The following SORCS1 variants were observed in gnomAD, a reference collection of about 807,000 sequenced individuals.
The protein encoded by SORCS1 is sortilin related VPS10 domain containing receptor 1, also known as VPS10 domain-containing receptor SorCS1.
Under a neutral mutation model 146.1 loss-of-function variants are expected in SORCS1, and 60 were observed. The observed-to-expected ratio is 0.41, with a 90% CI of 0.33 to 0.51. The LOEUF is 0.51. SORCS1 is among the 20% of genes least tolerant of loss of function. SORCS1 has a pLI of 0.21. For missense variants in SORCS1, 1,352 were observed against 1,487.6 expected (o/e 0.91, Z 1.50); for synonymous variants, 637 against 584.0 (o/e 1.09, Z -1.31).
chr10:106,856,003 G>A (rs1215652262), intron 2 of SORCS1, among the ~76,000 whole-genome samples: 2 of 151,076 alleles, frequency 1.3e-5, no homozygotes, highest in Non-Finnish European at 2.9e-5. Context: ...ATGGTAATAC[G>A]GGGAAGCGAA....
chr10:106,962,047 G>C (rs1955250877), intron 1 of SORCS1, among the ~76,000 whole-genome samples: 1 of 152,212 alleles, frequency 6.6e-6, no homozygotes, highest in Admixed American at 6.5e-5. Flanking sequence ...GGGGGTGTCA[G>C]TGGATTTGTA....
chr10:106,844,853 T>C (rs1363845337), intron 2 of SORCS1, among the ~76,000 whole-genome samples: 4 of 149,280 alleles, frequency 2.7e-5, no homozygotes, highest in South Asian at 2.2e-4. Context: ...GTTCTTGCGA[T>C]AGTTTACTGA....
intron 24 of SORCS1, among the ~76,000 whole-genome samples, chr10:106,595,382 C>G (rs1845846310): frequency 6.6e-6 from 1 of 152,084 alleles, no homozygotes; most frequent in South Asian, 2.1e-4. Context: ...GCTCCTTACA[C>G]TCATCTTTTT....
intron 2 of SORCS1, among the ~76,000 whole-genome samples, chr10:106,886,462 C>T (rs1951008488): frequency 6.6e-6 from 1 of 152,148 alleles, no homozygotes; most frequent in Non-Finnish European, 1.5e-5. Flanking sequence ...CACACACACA[C>T]ACTCTCTGTT....
intron 12 of SORCS1, 84 bp from the exon 13 acceptor site, chr10:106,677,488 A>G (rs1343811804): frequency 3.3e-6 from 4 of 1,201,866 alleles, no homozygotes; most frequent in South Asian, 1.3e-5. Flanking sequence ...ACATGAGAAC[A>G]AAAATCCTTC....
At chr10:106,652,593 T>C (rs758037530) in intron 17 of SORCS1, 40 bp from the exon 18 acceptor site, 3 of 1,598,000 alleles carry the variant, frequency 1.9e-6, no homozygotes, top group South Asian at 2.2e-5. Context: ...CAGCTCATTA[T>C]AATGTGAATC....
intron 1 of SORCS1, among the ~76,000 whole-genome samples, chr10:107,037,430 C>T (rs1186793836): frequency 1.3e-5 from 2 of 152,188 alleles, no homozygotes; most frequent in East Asian, 1.9e-4. Context: ...CTGCATACAG[C>T]CCTGATAGCT....
At chr10:106,644,133 T>C (rs1383830567) in intron 18 of SORCS1, among the ~76,000 whole-genome samples, 1 of 152,170 alleles carries the variant, frequency 6.6e-6, no homozygotes, top group Non-Finnish European at 1.5e-5. Flanking sequence ...TAAAGTACTA[T>C]ATTTTATATG....
intron 5 of SORCS1, among the ~76,000 whole-genome samples, chr10:106,745,923 T>C (rs1301641672): frequency 6.6e-6 from 1 of 152,200 alleles, no homozygotes; most frequent in Non-Finnish European, 1.5e-5. Flanking sequence ...GTACATCATT[T>C]CTTTGATATT....
chr10:107,093,097 T>C (rs1964314357), intron 1 of SORCS1, among the ~76,000 whole-genome samples: 1 of 152,166 alleles, frequency 6.6e-6, no homozygotes, highest in African/African-American at 2.4e-5. Context: ...CAAGATTCCA[T>C]TGCTAGTAAG....
At position 106,654,362 on chromosome 10, in the gene SORCS1, C is replaced by A. The variant is rs540043097; in HGVS notation, c.2304-1809G>T. 6.6e-5 allele frequency among the ~76,000 whole-genome samples: 10 copies of A among 152,316 alleles called. 1 individual carries two copies. In the South Asian group the frequency reaches 2.1e-3, roughly 32 times the overall value. On this transcript the variant is annotated intron_variant, in intron 17 of 25. Coordinates refer to ENST00000263054, the MANE Select transcript of SORCS1 (RefSeq NM_052918.5). The stretch of plus-strand genomic sequence containing the variant: ...TTTCTCAAGATCAAATAGCCAGGAC[C>A]TAGACAATTTGTCTCTAGCACACAT...
In SORCS1 at chr10:106,966,552, T is replaced by C. The variant is rs1271632507; in HGVS notation, c.559-9972A>G. Among the ~76,000 whole-genome samples, 3 of 152,324 alleles carry C rather than the reference T, an allele frequency of 2.0e-5. No individual in the cohort carries two copies. In the East Asian group the frequency reaches 5.8e-4, roughly 29 times the overall value. On this transcript the variant is annotated intron_variant, in intron 1 of 25. Coordinates refer to ENST00000263054, the MANE Select transcript of SORCS1 (RefSeq NM_052918.5). The stretch of plus-strand genomic sequence containing the variant: ...GAAATTGAGTGAAACAGCCACTGCA[T>C]ACCCCTTGAGGAAATTAAAAGGCAA...
intron 1 of SORCS1, among the ~76,000 whole-genome samples, chr10:107,089,994 C>A (rs142084998): frequency 3.5e-4 from 53 of 152,304 alleles, no homozygotes; most frequent in African/African-American, 1.2e-3. Context: ...TCCATCGACC[C>A]ACCAAATCCC....
chr10:106,977,929 C>T (rs952528653), intron 1 of SORCS1, among the ~76,000 whole-genome samples: 4 of 152,096 alleles, frequency 2.6e-5, no homozygotes, highest in African/African-American at 4.8e-5. Flanking sequence ...AGTTCGAGTG[C>T]GCATGATATG....
At chr10:107,125,126 T>A (rs1385011496) in intron 1 of SORCS1, among the ~76,000 whole-genome samples, 4 of 151,938 alleles carry the variant, frequency 2.6e-5, no homozygotes, top group African/African-American at 9.7e-5. Context: ...CTAATTTTTA[T>A]ATTTTTACTA....
In SORCS1 at chr10:107,059,003, C is replaced by T. The variant is rs187542260; in HGVS notation, c.559-102423G>A. ...ATAGCGCTGCACCGGGTTTTTATCA[C>T]GTGCTAAAACTCTTCCCTATAATGC... is the stretch of plus-strand genomic sequence containing the variant. On this transcript the variant is annotated intron_variant, in intron 1 of 25. Coordinates refer to ENST00000263054, the MANE Select transcript of SORCS1 (RefSeq NM_052918.5). Among the ~76,000 whole-genome samples, 223 of 152,262 alleles carry T rather than the reference C, an allele frequency of 1.5e-3. 2 individuals carry two copies. Among genetic ancestry groups the T allele is most frequent in the African/African-American group, 5.2e-3 (215 of 41,560 alleles).
At chr10:106,642,365 G>C (rs1382235065) in intron 18 of SORCS1, among the ~76,000 whole-genome samples, 1 of 152,182 alleles carries the variant, frequency 6.6e-6, no homozygotes, top group Non-Finnish European at 1.5e-5. Context: ...GGACCTCTAG[G>C]TTTCTTTGGT....
At chr10:106,728,988 T>C (rs1296036246) in intron 6 of SORCS1, among the ~76,000 whole-genome samples, 1 of 152,196 alleles carries the variant, frequency 6.6e-6, no homozygotes, top group African/African-American at 2.4e-5. Context: ...TTTCTCATTT[T>C]CTTTTACCCC....
intron 2 of SORCS1, among the ~76,000 whole-genome samples, chr10:106,840,503 G>C (rs946539986): frequency 2.3e-5 from 1 of 44,110 alleles, no homozygotes; most frequent in Non-Finnish European, 4.4e-5. Context: ...AATATATTCC[G>C]GTGAATGTGG....
Sources: allele counts gnomAD v4.1 joint callset (sites outside exome capture counted in the v4.1 genomes callset), GRCh38; gene constraint gnomAD v4.1.1; transcripts MANE v1.5; gene names NCBI Gene and HGNC (gene_info 2026-07-23, HGNC 2026-07-21).